Variants in SLCO1B1 observed in about 807,000 individuals in gnomAD.
SLCO1B1 encodes OATP-2.
In SLCO1B1, 81 loss-of-function variants were observed where a neutral mutation model predicts 70.1. The ratio of observed to expected loss-of-function variants is 1.16; its 90% CI spans 0.97 to 1.39. SLCO1B1 has a LOEUF of 1.39. Ranked by LOEUF, SLCO1B1 falls within the 40% of genes most tolerant of loss-of-function variation. The pLI, the probability that SLCO1B1 is intolerant of heterozygous loss-of-function variation, is 0.00. For synonymous variants in SLCO1B1, 283 were observed against 271.5 expected (o/e 1.04, Z -0.42); for missense variants, 895 against 799.6 (o/e 1.12, Z -1.44).
intron 2 of SLCO1B1, among the ~76,000 whole-genome samples, chr12:21,168,436 T>C (rs10841753): frequency 0.19 from 29,155 of 152,152 alleles, 2,914 homozygotes; most frequent in South Asian, 0.31. Flanking sequence ...ATTAATGGCT[T>C]GTATGGTGAT....
At chr12:21,157,895 C>G (rs547160257) in intron 2 of SLCO1B1, among the ~76,000 whole-genome samples, 1 of 151,896 alleles carries the variant, frequency 6.6e-6, no homozygotes, top group South Asian at 2.1e-4. Context: ...CCACCGTGCC[C>G]GGCCAAGACT....
intron 2 of SLCO1B1, among the ~76,000 whole-genome samples, chr12:21,142,005 T>C (rs1479140601): frequency 6.6e-6 from 1 of 151,392 alleles, no homozygotes; most frequent in Non-Finnish European, 1.5e-5. Flanking sequence ...AGAATTGACT[T>C]ATAAACTTAG....
At chr12:21,136,787 T>C (rs1940228811) in intron 1 of SLCO1B1, among the ~76,000 whole-genome samples, 1 of 152,212 alleles carries the variant, frequency 6.6e-6, no homozygotes, top group Non-Finnish European at 1.5e-5. Context: ...TTTCCACCTG[T>C]AGCTCAGAGT....
At chr12:21,194,926 TGAGA>T (rs903780724) in intron 7 of SLCO1B1, among the ~76,000 whole-genome samples, 16 of 152,162 alleles carry the variant, frequency 1.1e-4, no homozygotes, top group African/African-American at 3.4e-4. Flanking sequence ...CATCACATGT[TGAGA>T]GAAAGAGCAA....
chr12:21,227,849 G>T (rs1353522996), intron 14 of SLCO1B1, among the ~76,000 whole-genome samples: 1 of 151,994 alleles, frequency 6.6e-6, no homozygotes, highest in African/African-American at 2.4e-5. Context: ...TTCAGTGAAG[G>T]TTTAGTTAGA....
chr12:21,153,329 T>C (rs1940498025), intron 2 of SLCO1B1, among the ~76,000 whole-genome samples: 1 of 152,194 alleles, frequency 6.6e-6, no homozygotes. Flanking sequence ...TACTTAAGAA[T>C]TCATTGTGAT....
chr12:21,221,224 T>C (rs960120482), intron 12 of SLCO1B1, among the ~76,000 whole-genome samples: 4 of 152,132 alleles, frequency 2.6e-5, no homozygotes, highest in Non-Finnish European at 5.9e-5. Flanking sequence ...AGGAAAAAAG[T>C]TGAAAGCATT....
intron 12 of SLCO1B1, among the ~76,000 whole-genome samples, chr12:21,220,815 T>C (rs1277548105): frequency 1.6e-5 from 2 of 121,560 alleles, no homozygotes; most frequent in South Asian, 2.5e-4. Context: ...AAGACTGGTC[T>C]AAAAAAAAAA....
intron 9 of SLCO1B1, among the ~76,000 whole-genome samples, chr12:21,200,898 G>A (rs541950556): frequency 6.6e-5 from 10 of 152,012 alleles, no homozygotes; most frequent in African/African-American, 2.4e-4. Context: ...TGAAAAAAAT[G>A]TTGCAAATAA....
At chr12:21,216,970 C>T in intron 11 of SLCO1B1, 149 bp from the exon 12 acceptor site, 1 of 649,566 alleles carries the variant, frequency 1.5e-6, no homozygotes, top group African/African-American at 1.8e-5. Flanking sequence ...TACCTTTTAT[C>T]TCTTAAGCAA....
intron 2 of SLCO1B1, among the ~76,000 whole-genome samples, chr12:21,147,056 T>A (rs1182919650): frequency 2.0e-5 from 3 of 152,162 alleles, no homozygotes; most frequent in East Asian, 1.9e-4. Context: ...TTATTTCTCC[T>A]TGTATTTCTA....
chr12:21,167,505 A>G (rs1316797880), intron 2 of SLCO1B1, among the ~76,000 whole-genome samples: 1 of 152,182 alleles, frequency 6.6e-6, no homozygotes, highest in Non-Finnish European at 1.5e-5. Context: ...CCAGTAGGAG[A>G]GGTTAATTCT....
At chr12:21,151,665 C>G (rs1002734613) in intron 2 of SLCO1B1, among the ~76,000 whole-genome samples, 3 of 152,136 alleles carry the variant, frequency 2.0e-5, no homozygotes, top group Admixed American at 1.3e-4. Context: ...CTGTAAAGAA[C>G]TCCTTTTAAC....
chr12:21,188,789 T>A (rs975837518), intron 7 of SLCO1B1, among the ~76,000 whole-genome samples: 5 of 152,174 alleles, frequency 3.3e-5, no homozygotes, highest in African/African-American at 1.2e-4. Context: ...TTCCCCTTAA[T>A]CACTGGCAAT....
At chr12:21,136,347 C>G (rs1300287546) in intron 1 of SLCO1B1, among the ~76,000 whole-genome samples, 1 of 152,056 alleles carries the variant, frequency 6.6e-6, no homozygotes, top group African/African-American at 2.4e-5. Context: ...TTGTGGCGTA[C>G]TCTGTATTTC....
chr12:21,164,123 A>G (rs1940657356), intron 2 of SLCO1B1, among the ~76,000 whole-genome samples: 1 of 152,150 alleles, frequency 6.6e-6, no homozygotes, highest in African/African-American at 2.4e-5. Flanking sequence ...TTCTAATAAA[A>G]TAAATTAATA....
At position 21,217,233 on chromosome 12, in the gene SLCO1B1, GT is replaced by G. The variant is rs1400123717; in HGVS notation, c.1614del (p.Ala539GlnfsTer5). On this transcript the variant is annotated frameshift_variant, in exon 12 of 15. Coordinates refer to ENST00000256958, the MANE Select transcript of SLCO1B1 (RefSeq NM_006446.5). LOFTEE classifies it high-confidence loss of function. ...DACTRKFYFF[V>X]AIQVLNLFFS... The stretch of plus-strand genomic sequence containing the variant: ...TTGTACAAGGAAATTTTACTTTTTT[GT>G]TGCAATACAAGTCTTGAATTTATTT... The G allele has an allele frequency of 1.2e-6, 2 of 1,613,596 alleles. No individual in the cohort carries two copies. The highest frequency in any genetic ancestry group is 1.7e-6 in the Non-Finnish European group (2 of 1,179,754).
chr12:21,165,660 T>A (rs1940675093), intron 2 of SLCO1B1, among the ~76,000 whole-genome samples: 1 of 152,158 alleles, frequency 6.6e-6, no homozygotes, highest in Non-Finnish European at 1.5e-5. Flanking sequence ...AAAGAGATCA[T>A]GAGAAATTTG....
chr12:21,182,941 A>G (rs112658212), intron 7 of SLCO1B1, among the ~76,000 whole-genome samples: 4 of 152,256 alleles, frequency 2.6e-5, no homozygotes, highest in South Asian at 2.1e-4. Flanking sequence ...GCCTCTGCCT[A>G]AGGGAGCTCC....
Sources: allele counts gnomAD v4.1 joint callset (sites outside exome capture counted in the v4.1 genomes callset), GRCh38; gene constraint gnomAD v4.1.1; transcripts MANE v1.5; gene names NCBI Gene and HGNC (gene_info 2026-07-23, HGNC 2026-07-21).